The following MPDZ variants were observed in gnomAD, a reference collection of about 807,000 sequenced individuals.
MPDZ encodes the protein multiple PDZ domain crumbs cell polarity complex component, also known as multiple PDZ domain protein.
Under a neutral mutation model 239.1 loss-of-function variants are expected in MPDZ, and 234 were observed. The ratio of observed to expected loss-of-function variants is 0.98; its 90% CI spans 0.88 to 1.09. MPDZ has a LOEUF of 1.09. Ranked by LOEUF, MPDZ falls within the 50% of genes least tolerant of loss-of-function variation. MPDZ has a pLI of 0.00. For synonymous variants in MPDZ, 1,048 were observed against 881.3 expected (o/e 1.19, Z -3.35); for missense variants, 3,175 against 2,510.0 (o/e 1.26, Z -5.66).
intron 3 of MPDZ, among the ~76,000 whole-genome samples, chr9:13,228,634 T>C (rs1021376870): frequency 6.6e-6 from 1 of 152,156 alleles, no homozygotes; most frequent in Non-Finnish European, 1.5e-5. Context: ...TATGCCAACA[T>C]ACCATAGCCA....
rs749746294 is a variant in MPDZ, at chr9:13,190,251, G to A, written c.2017C>T (p.Pro673Ser). The A allele has an allele frequency of 6.2e-7, 1 of 1,610,850 alleles. No individual in the cohort carries two copies. Among genetic ancestry groups the A allele is most frequent in the Non-Finnish European group, 8.5e-7 (1 of 1,178,682 alleles). The part of the protein sequence containing the change: ...EFIGSSETED[P>S]VLAMTDAGQS... The stretch of plus-strand genomic sequence containing the variant: ...CCCGCATCAGTCATCGCCAGCACTG[G>A]ATCCTCTGTCTCTGATGACCCGATG... Residue 673 changes from proline to serine, a missense_variant, in exon 16 of 47, where the codon CCA becomes TCA. Pro to Ser is a moderately conservative substitution (Grantham distance 74). Coordinates refer to ENST00000319217, the MANE Select transcript of MPDZ (RefSeq NM_001378778.1).
At chr9:13,196,702 A>G (rs1955697992) in intron 12 of MPDZ, among the ~76,000 whole-genome samples, 1 of 152,100 alleles carries the variant, frequency 6.6e-6, no homozygotes, top group South Asian at 2.1e-4. Flanking sequence ...GAAAATATAA[A>G]GAAATAATAA....
intron 38 of MPDZ, chr9:13,120,356 A>T (rs927480381): frequency 6.6e-6 from 1 of 152,236 alleles, no homozygotes; most frequent in Non-Finnish European, 1.5e-5. Flanking sequence ...CATGACATCA[A>T]ATCATTTCAC....
chr9:13,217,371 A>G, intron 8 of MPDZ, 77 bp from the exon 9 acceptor site: 1 of 940,216 alleles, frequency 1.1e-6, no homozygotes, highest in East Asian at 2.7e-5. Flanking sequence ...AAACAAACAA[A>G]AAAACCATGA....
At chr9:13,256,752 T>A (rs1419746990) in intron 1 of MPDZ, among the ~76,000 whole-genome samples, 2 of 152,002 alleles carry the variant, frequency 1.3e-5, no homozygotes, top group Non-Finnish European at 1.5e-5. Flanking sequence ...GTAACAGACA[T>A]AATAATAATA....
chr9:13,163,566 T>C (rs1950707432), intron 22 of MPDZ, among the ~76,000 whole-genome samples: 2 of 152,174 alleles, frequency 1.3e-5, no homozygotes, highest in Non-Finnish European at 2.9e-5. Context: ...ACTGCTGTCC[T>C]GCTGTCCTGC....
chr9:13,112,364 G>C (rs1028130711), intron 42 of MPDZ, among the ~76,000 whole-genome samples: 11 of 152,138 alleles, frequency 7.2e-5, no homozygotes, highest in African/African-American at 2.7e-4. Flanking sequence ...ATCAAGACAT[G>C]CTAAATGAAA....
At chr9:13,237,714 T>C (rs537834462) in intron 3 of MPDZ, among the ~76,000 whole-genome samples, 7 of 152,262 alleles carry the variant, frequency 4.6e-5, no homozygotes, top group African/African-American at 1.7e-4. Flanking sequence ...CCGCCCATAA[T>C]AAAATTTGAG....
intron 5 of MPDZ, 120 bp downstream of exon 5, chr9:13,223,451 A>C (rs572751828): frequency 4.0e-5 from 48 of 1,211,668 alleles, no homozygotes; most frequent in Non-Finnish European, 5.1e-5. Flanking sequence ...AAACTGGTTA[A>C]TAACAGATTA....
chr9:13,200,929 T>C (rs1183146890), intron 12 of MPDZ, among the ~76,000 whole-genome samples: 1 of 152,078 alleles, frequency 6.6e-6, no homozygotes, highest in African/African-American at 2.4e-5. Context: ...TTGGGTCAAT[T>C]TGGTCTACAA....
intron 46 of MPDZ, 34 bp downstream of exon 46, chr9:13,108,902 G>A (rs1182810728): frequency 8.1e-6 from 13 of 1,602,042 alleles, no homozygotes; most frequent in Non-Finnish European, 1.1e-5. Flanking sequence ...GAATGTTTAG[G>A]GGAAAAGAGG....
At chr9:13,222,565 C>T in intron 5 of MPDZ, 119 bp from the exon 6 acceptor site, 1 of 785,352 alleles carries the variant, frequency 1.3e-6, no homozygotes, top group South Asian at 1.8e-5. Flanking sequence ...ACACTCTAAG[C>T]TTTTTCCTGC....
intron 3 of MPDZ, among the ~76,000 whole-genome samples, chr9:13,241,150 A>T (rs1011688431): frequency 6.6e-6 from 1 of 152,190 alleles, no homozygotes; most frequent in Non-Finnish European, 1.5e-5. Context: ...ATTGTACCAA[A>T]AATAAAGTAT....
At chr9:13,153,027 G>T (rs1422002365) in intron 24 of MPDZ, among the ~76,000 whole-genome samples, 1 of 152,092 alleles carries the variant, frequency 6.6e-6, no homozygotes, top group African/African-American at 2.4e-5. Context: ...CTGCACAAAG[G>T]AAGACAATGT....
chr9:13,171,356 C>A (rs952563348), intron 21 of MPDZ, among the ~76,000 whole-genome samples: 1 of 152,108 alleles, frequency 6.6e-6, no homozygotes, highest in Non-Finnish European at 1.5e-5. Context: ...TCATAATGTG[C>A]CCTTGGGTAA....
At chr9:13,239,376 T>C (rs1324653683) in intron 3 of MPDZ, among the ~76,000 whole-genome samples, 1 of 152,250 alleles carries the variant, frequency 6.6e-6, no homozygotes, top group African/African-American at 2.4e-5. Flanking sequence ...CATTTCCCTA[T>C]CTATAAAATG....
At chr9:13,124,816 G>A (rs1338325201) in intron 35 of MPDZ, among the ~76,000 whole-genome samples, 2 of 152,170 alleles carry the variant, frequency 1.3e-5, no homozygotes, top group Non-Finnish European at 2.9e-5. Context: ...GAGGCTTAGA[G>A]AAGTTAAATT....
chr9:13,266,281 G>A (rs1487849493), intron 1 of MPDZ, among the ~76,000 whole-genome samples: 1 of 152,168 alleles, frequency 6.6e-6, no homozygotes, highest in South Asian at 2.1e-4. Flanking sequence ...AGTCCTCTGG[G>A]AAGAAAACAG....
Position 13,174,684 on chromosome 9 carries a change from C to A in MPDZ, c.3055+1068G>T, listed in dbSNP as rs145158942. Among the ~76,000 whole-genome samples the A allele has an allele frequency of 5.6e-4, 85 of 152,298 alleles. 1 individual carries two copies. In the East Asian group the frequency reaches 0.012, roughly 21 times the overall value. On this transcript the variant is annotated intron_variant, in intron 21 of 46. Transcript: ENST00000319217. Reference sequence around the variant, plus strand: ...TACTAAATTAGCCAATGAAATAATTCTGGCATGGCTTAGATATCTGTCTCA... The same window carrying A: ...TACTAAATTAGCCAATGAAATAATTATGGCATGGCTTAGATATCTGTCTCA...
Sources: allele counts gnomAD v4.1 joint callset (sites outside exome capture counted in the v4.1 genomes callset), GRCh38; gene constraint gnomAD v4.1.1; transcripts MANE v1.5; gene names NCBI Gene and HGNC (gene_info 2026-07-23, HGNC 2026-07-21).